ANKRD55: variants seen among roughly 807,000 people sequenced by gnomAD.
ANKRD55 encodes the protein ankyrin repeat domain 55.
A neutral mutation model predicts 60.6 loss-of-function variants in ANKRD55; 41 were observed. The ratio of observed to expected loss-of-function variants is 0.68; its 90% CI spans 0.53 to 0.88. The LOEUF (loss-of-function observed/expected upper bound fraction) is 0.88, where lower values mean the gene tolerates loss of function less well. Ranked by LOEUF, ANKRD55 falls within the 40% of genes least tolerant of loss-of-function variation. ANKRD55 has a pLI of 0.00. For missense variants in ANKRD55, 732 were observed against 767.6 expected, an observed-to-expected ratio of 0.95 and a Z score of 0.55; for synonymous variants, 264 against 290.3, an observed-to-expected ratio of 0.91 and a Z score of 0.92.
intron 10 of ANKRD55, among the ~76,000 whole-genome samples, chr5:56,109,562 G>A (rs1424758738): frequency 2.0e-4 from 30 of 150,442 alleles, no homozygotes; most frequent in African/African-American, 7.3e-4. Context: ...GTAGAGATGG[G>A]GATCCTGCTA....
At chr5:56,166,158 T>TTTCTTTCTTTCTTCCTTTC (rs1554040812) in intron 5 of ANKRD55, among the ~76,000 whole-genome samples, 1 of 72,436 alleles carries the variant, frequency 1.4e-5, no homozygotes, top group Non-Finnish European at 2.6e-5. Context: ...TTCTTTCTTC[T>TTTCTTTCTTTCTTCCTTTC]TTCCTTCCTT....
intron 7 of ANKRD55, among the ~76,000 whole-genome samples, chr5:56,139,442 G>C (rs959987078): frequency 6.6e-6 from 1 of 152,110 alleles, no homozygotes; most frequent in Admixed American, 6.6e-5. Flanking sequence ...AATTTGGAAA[G>C]GGAGCTCAAC....
At chr5:56,186,725 T>C (rs1316813333) in intron 2 of ANKRD55, among the ~76,000 whole-genome samples, 1 of 152,192 alleles carries the variant, frequency 6.6e-6, no homozygotes, top group African/African-American at 2.4e-5. Context: ...AGTCCATACA[T>C]TGCACAGAAC....
chr5:56,166,156 TC>T lies in ANKRD55; in HGVS notation c.422+4537del, dbSNP rs1561277880. On this transcript the variant is annotated intron_variant, in intron 5 of 11. Transcript: ENST00000341048. The stretch of plus-strand genomic sequence containing the variant: ...TTTCTTTCTTTCTTTCTTTCTTTCT[TC>T]TTTCCTTCCTTCCTTCCTTCCTTCC... Among the ~76,000 whole-genome samples, 43 of 85,540 alleles carry T rather than the reference TC, an allele frequency of 5.0e-4. 1 individual carries two copies. Among genetic ancestry groups the T allele is most frequent in the Admixed American group, 6.8e-4 (6 of 8,866 alleles). 56.1% of individuals were successfully genotyped at this position (85,540 alleles called of 152,430 possible).
At chr5:56,202,144 G>C (rs1759394833) in intron 2 of ANKRD55, among the ~76,000 whole-genome samples, 1 of 152,114 alleles carries the variant, frequency 6.6e-6, no homozygotes, top group South Asian at 2.1e-4. Context: ...GAGCCTGTCA[G>C]AGGGGGTGGT....
At chr5:56,106,118 C>T (rs760061461) in intron 10 of ANKRD55, among the ~76,000 whole-genome samples, 13 of 152,148 alleles carry the variant, frequency 8.5e-5, no homozygotes, top group Non-Finnish European at 1.9e-4. Flanking sequence ...CTGATGTAAG[C>T]ATTGGATAGT....
intron 6 of ANKRD55, among the ~76,000 whole-genome samples, chr5:56,155,105 G>A (rs1758159255): frequency 6.6e-6 from 1 of 151,952 alleles, no homozygotes; most frequent in East Asian, 2.0e-4. Context: ...GGTTGTGCAT[G>A]CCTGTGGTGC....
intron 5 of ANKRD55, among the ~76,000 whole-genome samples, chr5:56,168,614 T>C (rs918233424): frequency 6.6e-6 from 1 of 152,208 alleles, no homozygotes; most frequent in Non-Finnish European, 1.5e-5. Flanking sequence ...GAAAAAAACA[T>C]AGCATATATG....
chr5:56,102,343 T>A (rs2111651994), intron 11 of ANKRD55, 151 bp downstream of exon 11: 1 of 450,178 alleles, frequency 2.2e-6, no homozygotes, highest in Non-Finnish European at 3.9e-6. Context: ...TGAGCTGAGA[T>A]CATGTTCATT....
chr5:56,231,486 C>T (rs1760250517), intron 2 of ANKRD55, among the ~76,000 whole-genome samples: 1 of 152,134 alleles, frequency 6.6e-6, no homozygotes, highest in South Asian at 2.1e-4. Flanking sequence ...CATTTTTCAG[C>T]CAGTGTGAGC....
chr5:56,215,290 G>A (rs958719261), intron 2 of ANKRD55, among the ~76,000 whole-genome samples: 11 of 152,156 alleles, frequency 7.2e-5, no homozygotes, highest in Admixed American at 3.3e-4. Flanking sequence ...CAGTTCCTCC[G>A]GTTATATTTC....
At chr5:56,228,514 CT>C (rs952949711) in intron 2 of ANKRD55, among the ~76,000 whole-genome samples, 1 of 151,902 alleles carries the variant, frequency 6.6e-6, no homozygotes, top group Non-Finnish European at 1.5e-5. Context: ...CAACCTCCGC[CT>C]CCTGAGTTCA....
intron 2 of ANKRD55, among the ~76,000 whole-genome samples, chr5:56,191,416 T>C (rs1759089881): frequency 6.6e-6 from 1 of 152,226 alleles, no homozygotes; most frequent in African/African-American, 2.4e-5. Context: ...TGTACCAGTC[T>C]TTTACCTCCT....
chr5:56,147,530 A>T (rs1270293996), intron 6 of ANKRD55, among the ~76,000 whole-genome samples: 2 of 152,352 alleles, frequency 1.3e-5, no homozygotes, highest in East Asian at 3.9e-4. Flanking sequence ...ATATATACAC[A>T]TACATAATAC....
chr5:56,213,819 C>T (rs748826355), intron 2 of ANKRD55, among the ~76,000 whole-genome samples: 4 of 152,216 alleles, frequency 2.6e-5, no homozygotes, highest in African/African-American at 9.6e-5. Flanking sequence ...GATTAATTTC[C>T]TTCTGATGTG....
chr5:56,211,027 C>T (rs1485549964), intron 2 of ANKRD55, among the ~76,000 whole-genome samples: 1 of 152,196 alleles, frequency 6.6e-6, no homozygotes, highest in Non-Finnish European at 1.5e-5. Flanking sequence ...CAGATATACC[C>T]TCTCTGTAGT....
chr5:56,206,152 T>C (rs1457617895), intron 2 of ANKRD55, among the ~76,000 whole-genome samples: 1 of 151,512 alleles, frequency 6.6e-6, no homozygotes, highest in Non-Finnish European at 1.5e-5. Flanking sequence ...ATTTTTTGTA[T>C]TTTTAGTAGA....
intron 6 of ANKRD55, among the ~76,000 whole-genome samples, chr5:56,147,138 T>C (rs1757919446): frequency 6.6e-6 from 1 of 152,146 alleles, no homozygotes; most frequent in Non-Finnish European, 1.5e-5. Flanking sequence ...ATATTCTATC[T>C]CATAGAATCT....
intron 2 of ANKRD55, among the ~76,000 whole-genome samples, chr5:56,217,752 C>T (rs566827518): frequency 7.2e-5 from 11 of 152,000 alleles, no homozygotes; most frequent in South Asian, 6.2e-4. Flanking sequence ...AAAAATTAGC[C>T]GGGCGTGGTG....
Sources: allele counts gnomAD v4.1 joint callset (sites outside exome capture counted in the v4.1 genomes callset), GRCh38; gene constraint gnomAD v4.1.1; transcripts MANE v1.5; gene names NCBI Gene and HGNC (gene_info 2026-07-23, HGNC 2026-07-21).